Variants in TENM4 observed in about 807,000 individuals in gnomAD.
TENM4 encodes the protein teneurin-4.
In TENM4, 82 loss-of-function variants were observed where a neutral mutation model predicts 243.3. The observed-to-expected ratio is 0.34, with a 90% CI of 0.28 to 0.40. The LOEUF is 0.40. Among genes scored for constraint, TENM4 ranks in the 10% least tolerant of loss-of-function variants. The probability of loss-of-function intolerance (pLI) is 1.00; values close to 1 mark genes in which losing one functional copy is unlikely to be tolerated. For missense variants in TENM4, 3,138 were observed against 3,673.3 expected, an observed-to-expected ratio of 0.85 and a Z score of 3.77; for synonymous variants, 1,412 against 1,456.3, an observed-to-expected ratio of 0.97 and a Z score of 0.69.
rs192596636 is a variant in TENM4 at position 78,850,588 on chromosome 11, A to T, written c.1681+3516T>A. Among the ~76,000 whole-genome samples the T allele has an allele frequency of 3.8e-3, 574 of 152,334 alleles. 4 individuals carry two copies. The highest frequency in any genetic ancestry group is 0.013 in the African/African-American group (559 of 41,590). The stretch of plus-strand genomic sequence containing the variant: ...TGGGGAAAGCGGGATTAATAGCAAC[A>T]TCAGAATCAGTCTGTTTTTGTATTA... On this transcript the variant is annotated intron_variant, in intron 12 of 33. Coordinates refer to ENST00000278550, the MANE Select transcript of TENM4 (RefSeq NM_001098816.3).
At chr11:78,942,049 A>G (rs1856907749) in intron 6 of TENM4, among the ~76,000 whole-genome samples, 1 of 150,976 alleles carries the variant, frequency 6.6e-6, no homozygotes, top group South Asian at 2.1e-4. Flanking sequence ...GCCATACTGG[A>G]AGAAAAATTG....
intron 25 of TENM4, among the ~76,000 whole-genome samples, chr11:78,715,124 C>T (rs1372129829): frequency 2.0e-5 from 3 of 152,172 alleles, no homozygotes; most frequent in Non-Finnish European, 4.4e-5. Context: ...TACTTCTCTT[C>T]TGGGGTTAGC....
intron 6 of TENM4, among the ~76,000 whole-genome samples, chr11:78,941,490 A>C (rs1856892937): frequency 6.6e-6 from 1 of 152,126 alleles, no homozygotes; most frequent in Non-Finnish European, 1.5e-5. Flanking sequence ...AAGTAGGGAA[A>C]GGCTGTTCTG....
intron 1 of TENM4, among the ~76,000 whole-genome samples, chr11:79,425,698 G>A (rs999105188): frequency 6.6e-6 from 1 of 152,184 alleles, no homozygotes; most frequent in African/African-American, 2.4e-5. Flanking sequence ...TCTATCTGAG[G>A]TGGCAGGACC....
chr11:79,117,522 C>T (rs1861648690), intron 4 of TENM4, among the ~76,000 whole-genome samples: 3 of 152,118 alleles, frequency 2.0e-5, no homozygotes, highest in Admixed American at 1.3e-4. Context: ...GGGGCGGGGG[C>T]CAAACATGAC....
chr11:78,745,002 C>T (rs778189236), intron 19 of TENM4, among the ~76,000 whole-genome samples: 3 of 152,118 alleles, frequency 2.0e-5, no homozygotes, highest in Non-Finnish European at 4.4e-5. Context: ...TTTGCTTGTA[C>T]TCGCACTATT....
intron 10 of TENM4, among the ~76,000 whole-genome samples, chr11:78,856,964 C>T (rs150479673): frequency 1.1e-3 from 168 of 152,272 alleles, no homozygotes; most frequent in African/African-American, 3.5e-3. Context: ...TAAAGTCTCT[C>T]GGCCATTTCT....
At chr11:79,028,451 G>T (rs775688170) in intron 6 of TENM4, among the ~76,000 whole-genome samples, 3 of 152,216 alleles carry the variant, frequency 2.0e-5, no homozygotes, top group Non-Finnish European at 1.5e-5. Flanking sequence ...GCTACAATGC[G>T]GCTGCAACAC....
intron 30 of TENM4, among the ~76,000 whole-genome samples, chr11:78,674,468 C>G (rs538023927): frequency 6.6e-6 from 1 of 152,184 alleles, no homozygotes; most frequent in Non-Finnish European, 1.5e-5. Flanking sequence ...TCATGCTAAT[C>G]GCTGCCATTT....
intron 6 of TENM4, among the ~76,000 whole-genome samples, chr11:79,037,076 T>G (rs1859407579): frequency 6.6e-6 from 1 of 151,182 alleles, no homozygotes; most frequent in Non-Finnish European, 1.5e-5. Context: ...CAAGATGTAT[T>G]CTGACAAAGG....
chr11:78,842,417 C>T (rs977816969), intron 12 of TENM4, among the ~76,000 whole-genome samples: 4 of 152,204 alleles, frequency 2.6e-5, no homozygotes, highest in African/African-American at 9.6e-5. Flanking sequence ...AACAGTCTTC[C>T]AATTGGTCTC....
At chr11:79,019,103 C>T (rs1337197057) in intron 6 of TENM4, among the ~76,000 whole-genome samples, 2 of 152,236 alleles carry the variant, frequency 1.3e-5, no homozygotes, top group Non-Finnish European at 2.9e-5. Context: ...TTCTGGACAA[C>T]TAACTTCTCC....
chr11:78,687,511 GCAGATAATTAA>G (rs1183296270), intron 29 of TENM4, among the ~76,000 whole-genome samples: 4 of 152,068 alleles, frequency 2.6e-5, no homozygotes, highest in Non-Finnish European at 4.4e-5. Flanking sequence ...AACAATTGAG[GCAGATAATTAA>G]CAGCAAGATT....
intron 4 of TENM4, among the ~76,000 whole-genome samples, chr11:79,131,435 C>T (rs1288765895): frequency 6.6e-6 from 1 of 152,124 alleles, no homozygotes; most frequent in Non-Finnish European, 1.5e-5. Flanking sequence ...AACTAAGCAT[C>T]ATATATGAAG....
Position 78,653,194 on chromosome 11 carries a change from C to T in TENM4, c.*4864G>A, listed in dbSNP as rs1857811325. 1 of 152,232 alleles carries T rather than the reference C, an allele frequency of 6.6e-6. No individual in the cohort carries two copies. Among genetic ancestry groups the T allele is most frequent in the Non-Finnish European group, 1.5e-5 (1 of 68,048 alleles). The allele number at this position is 152,232 out of a possible 1,614,324, so 9.4% of individuals were successfully genotyped here. A position where few individuals can be genotyped will look rare whatever the true frequency, so the allele number is the denominator to read the frequency against. On this transcript the variant is annotated 3_prime_UTR_variant, in exon 34 of 34. Transcript: ENST00000278550. Reference sequence around the variant, plus strand: ...TCTCCCAGGTCATCCTGATAGCAGCCAGCAGGGAAGTGCAAACCCAGGATG... The same window carrying T: ...TCTCCCAGGTCATCCTGATAGCAGCTAGCAGGGAAGTGCAAACCCAGGATG...
Position 79,018,646 on chromosome 11 carries a change from G to A in TENM4, c.493+46092C>T, listed in dbSNP as rs1308325006. Among the ~76,000 whole-genome samples the A allele has an allele frequency of 2.0e-5, 3 of 152,108 alleles. No homozygotes were observed. In the East Asian group the frequency reaches 5.8e-4, roughly 29 times the overall value. On this transcript the variant is annotated intron_variant, in intron 6 of 33. Transcript: ENST00000278550. ...GTGGTCAGAGAGAGATTACTCAGAAGAGGTTTACTTACTTCCCGGAGACCT... is the reference window on the plus strand; with the variant it reads ...GTGGTCAGAGAGAGATTACTCAGAAAAGGTTTACTTACTTCCCGGAGACCT...
intron 17 of TENM4, among the ~76,000 whole-genome samples, chr11:78,778,327 C>CA (rs1555079638): frequency 2.5e-5 from 3 of 120,224 alleles, no homozygotes; most frequent in African/African-American, 9.0e-5. Flanking sequence ...GTATGTGGGG[C>CA]GGGGGGAGGG....
chr11:79,185,309 TACAACAACA>T (rs368899635), intron 3 of TENM4, among the ~76,000 whole-genome samples: 2 of 151,014 alleles, frequency 1.3e-5, no homozygotes, highest in African/African-American at 4.9e-5. Context: ...CACAAAAAAC[TACAACAACA>T]ACAACAACAA....
intron 2 of TENM4, among the ~76,000 whole-genome samples, chr11:79,258,120 A>T (rs1855731083): frequency 6.6e-6 from 1 of 152,162 alleles, no homozygotes; most frequent in Non-Finnish European, 1.5e-5. Context: ...TCATGTGCTG[A>T]GATGGAAAGG....
Sources: gnomAD v4.1 joint callset for allele counts (sites outside exome capture counted in the v4.1 genomes callset) on GRCh38, gnomAD v4.1.1 for gene constraint, MANE v1.5 for transcripts, NCBI Gene and HGNC (gene_info 2026-07-23, HGNC 2026-07-21) for gene names.